The following ASB5 variants were observed in gnomAD, a reference collection of about 807,000 sequenced individuals.
ASB5 encodes the protein ankyrin repeat and SOCS box protein 5.
In ASB5, 45 loss-of-function variants were observed where a neutral mutation model predicts 42.1. That is an observed-to-expected ratio of 1.07 (90% confidence interval 0.84 to 1.37). The LOEUF is 1.37. Ranked by LOEUF, ASB5 falls within the 40% of genes most tolerant of loss-of-function variation. ASB5 has a pLI of 0.00. For synonymous variants in ASB5, 147 were observed against 150.6 expected (o/e 0.98, Z 0.18); for missense variants, 402 against 399.8 (o/e 1.01, Z -0.05).
intron 1 of ASB5, among the ~76,000 whole-genome samples, chr4:176,242,945 T>C (rs1753839783): frequency 6.6e-6 from 1 of 152,206 alleles, no homozygotes; most frequent in African/African-American, 2.4e-5. Context: ...CTATGGCTCA[T>C]AGGCCAAATT....
intron 1 of ASB5, among the ~76,000 whole-genome samples, chr4:176,234,155 A>T (rs1262769953): frequency 1.3e-5 from 2 of 152,210 alleles, no homozygotes; most frequent in African/African-American, 4.8e-5. Context: ...AGTAGTCTGT[A>T]CTAAACATGG....
intron 1 of ASB5, among the ~76,000 whole-genome samples, chr4:176,235,187 T>C (rs1405063015): frequency 6.6e-6 from 1 of 152,184 alleles, no homozygotes; most frequent in Non-Finnish European, 1.5e-5. Context: ...TGGAATTGTG[T>C]TTTCTACATT....
At chr4:176,274,694 A>G (rs1754533927) in intron 2 of ASB5, among the ~76,000 whole-genome samples, 1 of 152,202 alleles carries the variant, frequency 6.6e-6, no homozygotes, top group Non-Finnish European at 1.5e-5. Flanking sequence ...TTGGCTAAAT[A>G]GTGGAGTATG....
rs182525120 is a variant in ASB5 at position 176,216,736 on chromosome 4, T to A, written c.862+82A>T. The A allele has an allele frequency of 3.4e-6, 4 of 1,193,156 alleles. No individual in the cohort carries two copies. The Admixed American group carries it at 1.0e-4, about 30-fold the overall frequency. The allele number at this position is 1,193,156 out of a possible 1,614,324, so 73.9% of individuals were successfully genotyped here. ...CATTTTATGCCATTGTTACTTTCCA[T>A]GCCAACAAAAACTCTCTCACTTTCA... On this transcript the variant is annotated intron_variant, in intron 6 of 6. Transcript: ENST00000296525.
intron 1 of ASB5, among the ~76,000 whole-genome samples, chr4:176,231,225 ATTTT>A (rs35699083): frequency 3.3e-5 from 5 of 149,684 alleles, no homozygotes; most frequent in Non-Finnish European, 3.0e-5. Context: ...CCGACTCATA[ATTTT>A]TTTTTTTTTT....
At chr4:176,240,879 A>G (rs1753796834) in intron 1 of ASB5, among the ~76,000 whole-genome samples, 1 of 152,194 alleles carries the variant, frequency 6.6e-6, no homozygotes, top group Non-Finnish European at 1.5e-5. Context: ...TTGTCAGAAA[A>G]AGAACATCAG....
intron 1 of ASB5, among the ~76,000 whole-genome samples, chr4:176,246,440 TA>T (rs1753913668): frequency 6.6e-6 from 1 of 152,220 alleles, no homozygotes; most frequent in African/African-American, 2.4e-5. Context: ...TAATTTCACT[TA>T]AACCAGTATC....
chr4:176,220,502 T>TG (rs1753173079), intron 5 of ASB5, among the ~76,000 whole-genome samples: 1 of 152,070 alleles, frequency 6.6e-6, no homozygotes, highest in South Asian at 2.1e-4. Context: ...AAAAGAGGGA[T>TG]GGGAAAAAAA....
At chr4:176,217,657 C>T (rs1213127226) in intron 5 of ASB5, among the ~76,000 whole-genome samples, 3 of 152,096 alleles carry the variant, frequency 2.0e-5, no homozygotes, top group African/African-American at 7.2e-5. Context: ...TGTTAAAATA[C>T]AGCCTACATG....
intron 1 of ASB5, among the ~76,000 whole-genome samples, chr4:176,253,055 A>C (rs1754075012): frequency 6.6e-6 from 1 of 152,212 alleles, no homozygotes; most frequent in African/African-American, 2.4e-5. Context: ...AAACATCAAA[A>C]GAGACTGACT....
At chr4:176,260,605 G>T (rs1754245686) in intron 1 of ASB5, among the ~76,000 whole-genome samples, 4 of 152,172 alleles carry the variant, frequency 2.6e-5, no homozygotes, top group African/African-American at 9.7e-5. Flanking sequence ...AGGGAAGGCT[G>T]GAAAGAATAA....
At chr4:176,264,232 T>C (rs1022156251) in intron 1 of ASB5, among the ~76,000 whole-genome samples, 7 of 152,202 alleles carry the variant, frequency 4.6e-5, no homozygotes, top group Admixed American at 3.3e-4. Flanking sequence ...AGACACGTTA[T>C]CTTGATGAAT....
intron 5 of ASB5, 102 bp from the exon 6 acceptor site, chr4:176,217,111 T>A: frequency 2.2e-6 from 2 of 918,638 alleles, no homozygotes; most frequent in Non-Finnish European, 3.3e-6. Flanking sequence ...GGAAGGTTAT[T>A]AAGGGGACTT....
At chr4:176,249,839 G>A (rs1469988433) in intron 1 of ASB5, among the ~76,000 whole-genome samples, 6 of 151,992 alleles carry the variant, frequency 3.9e-5, no homozygotes, top group Non-Finnish European at 8.8e-5. Context: ...GCCGAGGCGG[G>A]TGGATCACGA....
chr4:176,272,863 T>C (rs1754494321), upstream of ASB5, among the ~76,000 whole-genome samples: 1 of 151,464 alleles, frequency 6.6e-6, no homozygotes, highest in African/African-American at 2.4e-5. Flanking sequence ...TGGGTTATAA[T>C]AAAAATTGCG....
chr4:176,237,757 G>A (rs1166573499), intron 1 of ASB5, among the ~76,000 whole-genome samples: 1 of 152,222 alleles, frequency 6.6e-6, no homozygotes, highest in Non-Finnish European at 1.5e-5. Flanking sequence ...AAACAGAATA[G>A]AAATGAGCTC....
chr4:176,223,076 C>T (rs114669098), intron 2 of ASB5, among the ~76,000 whole-genome samples: 3,639 of 152,208 alleles, frequency 0.024, 165 homozygotes, highest in African/African-American at 0.084. Context: ...CCGCGCCCGG[C>T]CAACTTGTTT....
At chr4:176,241,806 A>T (rs909258471) in intron 1 of ASB5, 18 of 498,144 alleles carry the variant, frequency 3.6e-5, no homozygotes, top group African/African-American at 3.6e-4. Context: ...CTGGGAAACT[A>T]CAGATGTCAA....
intron 5 of ASB5, among the ~76,000 whole-genome samples, chr4:176,219,072 AATATATATATATTTGTATGATATATAAAT>A (rs1383705144): frequency 0.35 from 21,157 of 60,042 alleles, 8,056 homozygotes; most frequent in East Asian, 0.53. Flanking sequence ...ATGATATATA[AATATATATATATTTGTATGATATATAAAT>A]ATATATATAT....
Sources: allele counts gnomAD v4.1 joint callset (sites outside exome capture counted in the v4.1 genomes callset), GRCh38; gene constraint gnomAD v4.1.1; transcripts MANE v1.5; gene names NCBI Gene and HGNC (gene_info 2026-07-23, HGNC 2026-07-21).